Variants in GNA12 observed in about 807,000 individuals in gnomAD.
The protein encoded by GNA12 is guanine nucleotide-binding protein subunit alpha-12.
GNA12 carries 9 observed loss-of-function variants against 26.0 expected under a neutral mutation model. The ratio of observed to expected loss-of-function variants is 0.35; its 90% CI spans 0.21 to 0.60. GNA12 has a LOEUF of 0.60. Ranked by LOEUF, GNA12 falls within the 20% of genes least tolerant of loss-of-function variation. The pLI is 0.78. For missense variants in GNA12, 405 were observed against 525.8 expected (o/e 0.77, Z 2.25); for synonymous variants, 264 against 219.6 (o/e 1.20, Z -1.79).
intron 1 of GNA12, among the ~76,000 whole-genome samples, chr7:2,838,985 C>T (rs962160071): frequency 2.0e-5 from 3 of 152,172 alleles, no homozygotes; most frequent in African/African-American, 7.2e-5. Flanking sequence ...AATCAGCAAG[C>T]ATATAGAACT....
In GNA12 at chr7:2,744,631, C is replaced by T. The variant is rs186913001; in HGVS notation, c.526-11130G>A. On this transcript the variant is annotated intron_variant, in intron 2 of 3. Coordinates refer to ENST00000275364, the MANE Select transcript of GNA12 (RefSeq NM_007353.3). The stretch of plus-strand genomic sequence containing the variant: ...GAGCACCTCTCCTCCTCCAAAGGAA[C>T]GCAGCTCCTCACCAGCAACGGAACA... Among the ~76,000 whole-genome samples, 538 of 152,284 alleles carry T rather than the reference C, an allele frequency of 3.5e-3. 4 individuals are homozygous for T. The highest frequency in any genetic ancestry group is 0.011 in the African/African-American group (477 of 41,562).
At chr7:2,814,351 G>A (rs1056718910) in intron 1 of GNA12, 2 of 1,604,778 alleles carry the variant, frequency 1.2e-6, no homozygotes, top group Admixed American at 3.3e-5. Flanking sequence ...GCTCAAAACG[G>A]CAGCACTTTC....
At chr7:2,750,923 A>T (rs1159583102) in intron 2 of GNA12, among the ~76,000 whole-genome samples, 1 of 152,236 alleles carries the variant, frequency 6.6e-6, no homozygotes, top group Non-Finnish European at 1.5e-5. Flanking sequence ...TGGGAACAGA[A>T]GCGAGAGATA....
intron 1 of GNA12, among the ~76,000 whole-genome samples, chr7:2,806,475 AAAAG>A (rs1448982160): frequency 1.3e-5 from 2 of 150,646 alleles, no homozygotes. Context: ...AAAAAAAAAA[AAAAG>A]AAAAAGAAAA....
intron 2 of GNA12, among the ~76,000 whole-genome samples, chr7:2,757,650 C>G (rs1347015872): frequency 2.0e-5 from 3 of 152,196 alleles, no homozygotes; most frequent in African/African-American, 7.2e-5. Context: ...ATCATTACAT[C>G]TGTGCCGTTT....
intron 2 of GNA12, among the ~76,000 whole-genome samples, chr7:2,771,010 G>A (rs1791934111): frequency 6.6e-6 from 1 of 152,156 alleles, no homozygotes; most frequent in South Asian, 2.1e-4. Flanking sequence ...CAAAGAAAAG[G>A]CCAGGCGCCG....
intron 2 of GNA12, among the ~76,000 whole-genome samples, chr7:2,748,373 G>C (rs1421689854): frequency 6.6e-6 from 1 of 152,202 alleles, no homozygotes; most frequent in African/African-American, 2.4e-5. Context: ...ACAACTATCT[G>C]ATCTTTGACA....
chr7:2,744,265 C>A (rs538800097), intron 2 of GNA12, among the ~76,000 whole-genome samples: 1 of 152,190 alleles, frequency 6.6e-6, no homozygotes, highest in Non-Finnish European at 1.5e-5. Context: ...TGGGAGGCAC[C>A]CCCCAGTAGG....
intron 2 of GNA12, among the ~76,000 whole-genome samples, chr7:2,746,270 G>A (rs1790759311): frequency 2.0e-5 from 3 of 152,146 alleles, no homozygotes; most frequent in African/African-American, 7.2e-5. Flanking sequence ...TTGATAGTTG[G>A]AAGTAAAGCA....
At chr7:2,732,697 A>G (rs1789962210) in intron 3 of GNA12, among the ~76,000 whole-genome samples, 2 of 152,352 alleles carry the variant, frequency 1.3e-5, no homozygotes, top group African/African-American at 2.4e-5. Flanking sequence ...CGGGGTGTGC[A>G]GGGGACAGAG....
chr7:2,737,296 T>TTG, intron 2 of GNA12, among the ~76,000 whole-genome samples: 1 of 117,332 alleles, frequency 8.5e-6, no homozygotes, highest in Non-Finnish European at 1.8e-5. Flanking sequence ...TTTGTTTTTT[T>TTG]TTTTTTTTTT....
intron 1 of GNA12, among the ~76,000 whole-genome samples, chr7:2,819,622 T>C (rs1217906166): frequency 1.4e-4 from 22 of 152,184 alleles, no homozygotes; most frequent in Admixed American, 1.4e-3. Flanking sequence ...AGGATCTGTA[T>C]AGCCATATCT....
intron 1 of GNA12, among the ~76,000 whole-genome samples, chr7:2,817,966 A>C (rs1232746911): frequency 1.3e-5 from 2 of 152,236 alleles, no homozygotes; most frequent in Non-Finnish European, 1.5e-5. Context: ...ACCTGCTTTC[A>C]TAGTTAGGAA....
At chr7:2,793,388 G>A (rs368771363) in intron 2 of GNA12, among the ~76,000 whole-genome samples, 1 of 152,014 alleles carries the variant, frequency 6.6e-6, no homozygotes, top group African/African-American at 2.4e-5. Context: ...ATTCAGACAA[G>A]GTCTACAGTT....
rs534585295 is a variant in GNA12, at chr7:2,823,970, G to A, written c.309+19883C>T. On this transcript the variant is annotated intron_variant, in intron 1 of 3. Coordinates refer to ENST00000275364, the MANE Select transcript of GNA12 (RefSeq NM_007353.3). ...TTACATGTTAGTGTCATTACCATAT[G>A]CCACCACCATTCTTTTTGCTCACAT... 5.3e-5 allele frequency among the ~76,000 whole-genome samples: 8 copies of A among 152,278 alleles called. No homozygotes were observed. The South Asian group carries it at 1.2e-3, about 24-fold the overall frequency.
intron 1 of GNA12, among the ~76,000 whole-genome samples, chr7:2,840,730 G>A (rs1583321583): frequency 6.6e-6 from 1 of 152,214 alleles, no homozygotes; most frequent in South Asian, 2.1e-4. Flanking sequence ...CACACCTACA[G>A]TCCCAGCTAC....
At chr7:2,762,369 G>A (rs565029241) in intron 2 of GNA12, 4 of 426,548 alleles carry the variant, frequency 9.4e-6, no homozygotes, top group South Asian at 1.1e-4. Context: ...ATCCAGACAC[G>A]GTATGGCGGT....
rs182306619 is a variant in GNA12 at position 2,740,999 on chromosome 7, C to T, written c.526-7498G>A. ...GGCAGAGCTTGCAGTGAGCTGAGAT[C>T]GGGCCACTGCACTCCTGCCTGGGCG... On this transcript the variant is annotated intron_variant, in intron 2 of 3. Coordinates refer to ENST00000275364, the MANE Select transcript of GNA12 (RefSeq NM_007353.3). Among the ~76,000 whole-genome samples, 167 of 152,268 alleles carry T rather than the reference C, an allele frequency of 1.1e-3. 1 individual carries two copies. The highest frequency in any genetic ancestry group is 3.7e-3 in the African/African-American group (155 of 41,558).
chr7:2,795,354 C>T (rs1010165034), intron 1 of GNA12, among the ~76,000 whole-genome samples: 16 of 152,052 alleles, frequency 1.1e-4, no homozygotes, highest in African/African-American at 3.4e-4. Context: ...CGCACATGGC[C>T]GAGAGCAGTG....
Sources: gnomAD v4.1 joint callset for allele counts (sites outside exome capture counted in the v4.1 genomes callset) on GRCh38, gnomAD v4.1.1 for gene constraint, MANE v1.5 for transcripts, NCBI Gene and HGNC (gene_info 2026-07-23, HGNC 2026-07-21) for gene names.